Variants in PKHD1 observed in about 807,000 individuals in gnomAD.
The protein encoded by PKHD1 is fibrocystin.
A neutral mutation model predicts 412.0 loss-of-function variants in PKHD1; 291 were observed. That is an observed-to-expected ratio of 0.71 (90% confidence interval 0.64 to 0.78). The LOEUF (loss-of-function observed/expected upper bound fraction) is 0.78, where lower values mean the gene tolerates loss of function less well. Ranked by LOEUF, PKHD1 falls within the 30% of genes least tolerant of loss-of-function variation. The probability of loss-of-function intolerance (pLI) is 0.00; values close to 1 mark genes in which losing one functional copy is unlikely to be tolerated. For missense variants in PKHD1, 4,825 were observed against 4,950.7 expected, an observed-to-expected ratio of 0.97 and a Z score of 0.76; for synonymous variants, 1,777 against 1,821.5, an observed-to-expected ratio of 0.98 and a Z score of 0.62.
intron 52 of PKHD1, among the ~76,000 whole-genome samples, chr6:51,804,163 C>T (rs1763351344): frequency 6.6e-6 from 1 of 151,154 alleles, no homozygotes; most frequent in African/African-American, 2.5e-5. Flanking sequence ...AGTGCCCATC[C>T]ATCTCTGATA....
In PKHD1 at chr6:52,052,848, A is replaced by G. The variant is rs140973250; in HGVS notation, c.2140+228T>C. Among the ~76,000 whole-genome samples the G allele has an allele frequency of 4.3e-3, 650 of 152,282 alleles. 4 individuals carry two copies. Among genetic ancestry groups the G allele is most frequent in the Non-Finnish European group, 6.9e-3 (467 of 68,014 alleles). On this transcript the variant is annotated intron_variant, in intron 21 of 66. Transcript: ENST00000371117. ...AGTGGGAAAACTGGAGTAAGAATACAGACACCAGAAGTAAGAGAAAATCGT... is the reference window on the plus strand; with the variant it reads ...AGTGGGAAAACTGGAGTAAGAATACGGACACCAGAAGTAAGAGAAAATCGT...
In PKHD1 at chr6:51,934,128, C is replaced by G; in HGVS notation, c.6103G>C (p.Gly2035Arg). The G allele has an allele frequency of 6.2e-7, 1 of 1,612,994 alleles. No homozygotes were observed. The highest frequency in any genetic ancestry group is 2.2e-5 in the East Asian group (1 of 44,894). ...YGVKFLAVRNGTLSLHGSLPE... is the reference protein window; with the variant it reads ...YGVKFLAVRNRTLSLHGSLPE... ...CACTCACCGTGCAGAGAAAGAGTTC[C>G]ATTCCTCACAGCCAGGAACTTGACT... Residue 2035 changes from glycine (G) to arginine (R), a missense_variant, in exon 37 of 67, where the codon GGA becomes CGA. By Grantham distance (125) the Gly-to-Arg change is moderately radical. Transcript: ENST00000371117.
At chr6:52,014,789 C>CATGG (rs55884238) in intron 34 of PKHD1, among the ~76,000 whole-genome samples, 51,292 of 142,050 alleles carry the variant, frequency 0.36, 9,795 homozygotes, top group East Asian at 0.47. Flanking sequence ...ATGGATGGAT[C>CATGG]ATGGATGGAT....
chr6:52,019,258 G>T (rs1242704525), intron 33 of PKHD1, among the ~76,000 whole-genome samples: 1 of 152,196 alleles, frequency 6.6e-6, no homozygotes, highest in Non-Finnish European at 1.5e-5. Context: ...TTAGACCTGT[G>T]CTTCCCCGCC....
chr6:51,659,509 C>T lies in PKHD1; in HGVS notation c.10617G>A (p.Met3539Ile). The change falls in exon 61 of 67, where the codon ATG (methionine) becomes ATA (isoleucine). Residue 3539 changes from methionine (M) to isoleucine (I), a missense_variant. Physicochemically the swap from Met to Ile is conservative, Grantham distance 10 (BLOSUM62 1). Transcript: ENST00000371117. Reference protein sequence around the residue: ...ESIGANYFNIMDNLLYVVLQG... With the variant: ...ESIGANYFNIIDNLLYVVLQG... ...GTAGGACAACATACAAGAGGTTATC[C>T]ATGATGTTGAAATAGTTGGCACCAA... 1.2e-6 allele frequency: 2 copies of T among 1,613,476 alleles called. No individual in the cohort carries two copies. The highest frequency in any genetic ancestry group is 1.7e-6 in the Non-Finnish European group (2 of 1,179,718).
chr6:52,000,088 G>A (rs564869272), intron 35 of PKHD1, among the ~76,000 whole-genome samples: 1 of 152,312 alleles, frequency 6.6e-6, no homozygotes, highest in Non-Finnish European at 1.5e-5. Context: ...TCTCGCACAT[G>A]AAGAATTAAA....
intron 43 of PKHD1, among the ~76,000 whole-genome samples, chr6:51,900,495 C>T (rs1479055995): frequency 1.3e-5 from 2 of 152,204 alleles, no homozygotes; most frequent in Non-Finnish European, 2.9e-5. Flanking sequence ...TGGATCACTT[C>T]CTTACACCTT....
At chr6:51,660,351 C>T (rs899724635) in intron 60 of PKHD1, among the ~76,000 whole-genome samples, 1 of 152,052 alleles carries the variant, frequency 6.6e-6, no homozygotes, top group African/African-American at 2.4e-5. Flanking sequence ...TACCTCACCT[C>T]TGGTCACCAA....
At chr6:51,742,975 C>T (rs1784745038) in intron 60 of PKHD1, among the ~76,000 whole-genome samples, 1 of 151,976 alleles carries the variant, frequency 6.6e-6, no homozygotes, top group Non-Finnish European at 1.5e-5. Flanking sequence ...AGCACAAACG[C>T]CCTGATGTAG....
At chr6:51,819,076 A>T (rs4715247) in intron 52 of PKHD1, among the ~76,000 whole-genome samples, 10 of 152,238 alleles carry the variant, frequency 6.6e-5, no homozygotes, top group Admixed American at 1.3e-4. Flanking sequence ...TACCTGGACA[A>T]CAAAACTCCC....
intron 60 of PKHD1, among the ~76,000 whole-genome samples, chr6:51,712,291 T>C (rs1780751942): frequency 6.6e-6 from 1 of 152,134 alleles, no homozygotes. Context: ...TATCCCTCTC[T>C]TGGGTTTTGG....
rs1282398920 is a variant in PKHD1 at position 51,874,804 on chromosome 6, G to A, written c.7351-4165C>T. Among the ~76,000 whole-genome samples the A allele has an allele frequency of 7.9e-5, 7 of 89,116 alleles. 3 individuals carry two copies. The highest frequency in any genetic ancestry group is 1.0e-3 in the South Asian group (2 of 1,974). The allele number at this position is 89,116 out of a possible 152,430, so 58.5% of individuals were successfully genotyped here. A position where few individuals can be genotyped will look rare whatever the true frequency, so the allele number is the denominator to read the frequency against. On this transcript the variant is annotated intron_variant, in intron 46 of 66. Coordinates refer to ENST00000371117, the MANE Select transcript of PKHD1 (RefSeq NM_138694.4). ...TGAGCTCCGGTCTACAGCTCCCAGCGTGAGCGACGCAGAAGACGGGTGATT... is the reference window on the plus strand; with the variant it reads ...TGAGCTCCGGTCTACAGCTCCCAGCATGAGCGACGCAGAAGACGGGTGATT...
rs759457662 is a variant in PKHD1 at position 52,025,215 on chromosome 6, T to C, written c.4595A>G (p.Asn1532Ser). 6.2e-7 allele frequency: 1 copy of C among 1,614,134 alleles called. No homozygotes were observed. The highest frequency in any genetic ancestry group is 1.1e-5 in the South Asian group (1 of 91,084). ...DQLPCNVTFF[N>S]ASHVVCQTRD... ...TGTCTGGCACACAACGTGGCTTGCA[T>C]TAAAAAAAGTTACATTGCAAGGAAG... The change falls in exon 32 of 67, where the codon AAT becomes AGT. Residue 1532 changes from asparagine to serine, a missense_variant. Coordinates refer to ENST00000371117, the MANE Select transcript of PKHD1 (RefSeq NM_138694.4).
At position 51,748,462 on chromosome 6, in the gene PKHD1, C is replaced by A. The variant is rs765526; in HGVS notation, c.9154G>T (p.Asp3052Tyr). The part of the protein sequence containing the change: ...IVFGTAGHGI[D>Y]LEGQAYTVTN... ...ACAGTATAGGCCTGACCCTCTAAAT[C>A]TATGCCATGGCCAGCTGTGCCAAAC... is the stretch of plus-strand genomic sequence containing the variant. Residue 3052 changes from aspartate to tyrosine, a missense_variant, in exon 58 of 67, where the codon GAT becomes TAT. Coordinates refer to ENST00000371117, the MANE Select transcript of PKHD1 (RefSeq NM_138694.4). The A allele has an allele frequency of 6.8e-5, 110 of 1,613,992 alleles. No homozygotes were observed. The African/African-American group carries it at 1.2e-3, about 17-fold the overall frequency.
intron 23 of PKHD1, among the ~76,000 whole-genome samples, chr6:52,047,105 C>A (rs188938183): frequency 6.6e-6 from 1 of 152,312 alleles, no homozygotes; most frequent in Non-Finnish European, 1.5e-5. Context: ...CAGGCCAAGG[C>A]TGACTTTCCC....
At chr6:52,036,749 T>TA (rs1188949834) in intron 27 of PKHD1, among the ~76,000 whole-genome samples, 2 of 151,968 alleles carry the variant, frequency 1.3e-5, no homozygotes, top group Non-Finnish European at 2.9e-5. Context: ...ATTAAGAAGA[T>TA]AAAAAAATTG....
At chr6:51,938,242 G>T (rs1167363995) in intron 36 of PKHD1, among the ~76,000 whole-genome samples, 1 of 152,198 alleles carries the variant, frequency 6.6e-6, no homozygotes, top group Non-Finnish European at 1.5e-5. Flanking sequence ...TTTAGAAACT[G>T]TCAGGCCTCT....
chr6:51,770,264 TCTGA>T (rs1335000890), intron 55 of PKHD1, among the ~76,000 whole-genome samples: 2 of 151,884 alleles, frequency 1.3e-5, no homozygotes, highest in South Asian at 4.1e-4. Flanking sequence ...GTAAAACTTT[TCTGA>T]CTGTTAGTGT....
chr6:52,046,081 C>A lies in PKHD1; in HGVS notation c.2515G>T (p.Asp839Tyr), dbSNP rs1229502879. The A allele has an allele frequency of 6.8e-6, 11 of 1,613,680 alleles. No homozygotes were observed. The highest frequency in any genetic ancestry group is 9.3e-6 in the Non-Finnish European group (11 of 1,179,664). ...LNASDFTVKEDLYTCYEHVWT... is the reference protein window; with the variant it reads ...LNASDFTVKEYLYTCYEHVWT... The stretch of plus-strand genomic sequence containing the variant: ...ACGTGTTCGTAGCAAGTGTATAGAT[C>A]CTCCTTCACAGTGAAGTCACTGGCA... Residue 839 changes from aspartate to tyrosine, a missense_variant, in exon 24 of 67, where the codon GAT (aspartate) becomes TAT (tyrosine). By Grantham distance (160) the Asp-to-Tyr change is radical. Transcript: ENST00000371117.
Sources: gnomAD v4.1 joint callset for allele counts (sites outside exome capture counted in the v4.1 genomes callset) on GRCh38, gnomAD v4.1.1 for gene constraint, MANE v1.5 for transcripts, NCBI Gene and HGNC (gene_info 2026-07-23, HGNC 2026-07-21) for gene names.